Variants in MAPK6 observed in about 807,000 individuals in gnomAD.
The protein encoded by MAPK6 is ERK-3.
Under a neutral mutation model 59.3 loss-of-function variants are expected in MAPK6, and 19 were observed. The observed-to-expected ratio is 0.32, with a 90% CI of 0.22 to 0.47. The LOEUF (loss-of-function observed/expected upper bound fraction) is 0.47. MAPK6 is among the 20% of genes least tolerant of loss of function. The pLI is 1.00. For missense variants in MAPK6, 724 were observed against 847.9 expected, an observed-to-expected ratio of 0.85 and a Z score of 1.81; for synonymous variants, 316 against 290.3, an observed-to-expected ratio of 1.09 and a Z score of -0.90.
At chr15:52,031,700 C>T (rs974740048) in intron 1 of MAPK6, among the ~76,000 whole-genome samples, 1 of 152,082 alleles carries the variant, frequency 6.6e-6, no homozygotes, top group Non-Finnish European at 1.5e-5. Context: ...GGGTGTGGCA[C>T]CTTGCACGGT....
chr15:52,047,216 G>C (rs559435580), intron 2 of MAPK6, among the ~76,000 whole-genome samples: 33 of 152,150 alleles, frequency 2.2e-4, no homozygotes, highest in African/African-American at 7.5e-4. Flanking sequence ...AAAATACATG[G>C]TTATTATAAT....
intron 3 of MAPK6, among the ~76,000 whole-genome samples, chr15:52,056,252 C>T (rs72732974): frequency 0.055 from 8,344 of 152,274 alleles, 327 homozygotes; most frequent in Non-Finnish European, 0.079. Flanking sequence ...TATTTTCCCT[C>T]TTTCCTGCTG....
At position 52,050,051 on chromosome 15, in the gene MAPK6, C is replaced by G. The variant is rs1305114560; in HGVS notation, c.614C>G (p.Ser205Cys). Reference sequence around the variant, plus strand: ...TACAGATCTCCACGTCTTTTACTTTCTCCTAATAATTATACTAAAGCCATT... The same window carrying G: ...TACAGATCTCCACGTCTTTTACTTTGTCCTAATAATTATACTAAAGCCATT... ...KWYRSPRLLL[S>C]PNNYTKAIDM... The change falls in exon 3 of 6, where the codon TCT becomes TGT. Residue 205 changes from serine to cysteine, a missense_variant. By Grantham distance (112) the Ser-to-Cys change is moderately radical (BLOSUM62 -1). This residue lies in a region of MAPK6 where 105 missense variants were observed against 191.9 expected (regional missense o/e 0.55). Transcript: ENST00000261845. 1 of 1,612,598 alleles carries G rather than the reference C, an allele frequency of 6.2e-7. No individual in the cohort carries two copies. The highest frequency in any genetic ancestry group is 1.1e-5 in the South Asian group (1 of 90,924).
At chr15:51,990,029 T>C (rs1184901171) in intron 2 of MAPK6, among the ~76,000 whole-genome samples, 1 of 152,230 alleles carries the variant, frequency 6.6e-6, no homozygotes, top group African/African-American at 2.4e-5. Context: ...AGTCCATTGT[T>C]TTGGCTACTA....
chr15:52,022,117 AGTT>A (rs2141849910), intron 1 of MAPK6, among the ~76,000 whole-genome samples: 2 of 152,270 alleles, frequency 1.3e-5, no homozygotes, highest in South Asian at 4.2e-4. Flanking sequence ...TGAGGCCAGG[AGTT>A]CAAGACCAGT....
chr15:52,044,076 G>A (rs1382403533), intron 1 of MAPK6, among the ~76,000 whole-genome samples: 1 of 151,982 alleles, frequency 6.6e-6, no homozygotes, highest in Non-Finnish European at 1.5e-5. Context: ...GTCCGGCCTT[G>A]AGATATTTTT....
exon 2 of MAPK6, among the ~76,000 whole-genome samples, chr15:51,983,238 G>A (rs1032950318): frequency 2.6e-5 from 4 of 152,076 alleles, no homozygotes; most frequent in East Asian, 1.9e-4. Flanking sequence ...TGTAATCCCA[G>A]CACTTTGGGA....
chr15:52,026,389 T>C (rs150168345), intron 1 of MAPK6, among the ~76,000 whole-genome samples: 1,871 of 152,278 alleles, frequency 0.012, 62 homozygotes, highest in East Asian at 0.077. Flanking sequence ...CCTCCTGGGT[T>C]CAAGTGATTC....
intron 2 of MAPK6, among the ~76,000 whole-genome samples, chr15:51,991,052 C>G (rs2057206599): frequency 6.6e-6 from 1 of 151,890 alleles, no homozygotes; most frequent in Non-Finnish European, 1.5e-5. Flanking sequence ...CACTTGAACC[C>G]AGGAAGAGGA....
Position 52,007,344 on chromosome 15 carries a change from G to A in MAPK6, c.-632+2942G>A, listed in dbSNP as rs1018372956. ...CTATCTTCTGGGGGGTGGGGTTCTA[G>A]CAAGACTGGCTACATAATTTCTGGG... On this transcript the variant is annotated intron_variant, in intron 3 of 7. Coordinates refer to the MAPK6 transcript ENST00000691380. Among the ~76,000 whole-genome samples, 76 of 152,218 alleles carry A rather than the reference G, an allele frequency of 5.0e-4. 1 individual carries two copies. The highest frequency in any genetic ancestry group is 3.4e-3 in the Middle Eastern group (1 of 294).
At chr15:51,990,633 T>C (rs2057205084) in intron 2 of MAPK6, among the ~76,000 whole-genome samples, 1 of 150,828 alleles carries the variant, frequency 6.6e-6, no homozygotes, top group African/African-American at 2.4e-5. Context: ...CTGACCAACA[T>C]GGAGAAACCG....
At chr15:51,976,131 TG>T (rs1282240555) in intron 1 of MAPK6, among the ~76,000 whole-genome samples, 1 of 151,244 alleles carries the variant, frequency 6.6e-6, no homozygotes, top group Non-Finnish European at 1.5e-5. Flanking sequence ...CCGGGCGTGG[TG>T]GCACATGCCT....
Position 52,061,333 on chromosome 15 carries a change from C to G in MAPK6, c.900C>G (p.Ser300Arg). Residue 300 changes from serine (S) to arginine (R), a missense_variant, in exon 5 of 6, where the codon AGC becomes AGG. Ser to Arg is a moderately radical substitution (Grantham distance 110). This residue lies in a region of MAPK6 where 502 missense variants were observed against 507.6 expected (regional missense o/e 0.99). Transcript: ENST00000261845. The part of the protein sequence containing the change: ...LDFLEQILTF[S>R]PMDRLTAEEA... The stretch of plus-strand genomic sequence containing the variant: ...TCCTGGAACAAATTTTGACATTTAG[C>G]CCCATGGATCGGTTAACAGCAGAAG... 6.2e-7 allele frequency: 1 copy of G among 1,614,088 alleles called. No homozygotes were observed. The highest frequency in any genetic ancestry group is 8.5e-7 in the Non-Finnish European group (1 of 1,179,950).
intron 1 of MAPK6, among the ~76,000 whole-genome samples, chr15:51,977,723 G>GACAGGGTCTC (rs1309026040): frequency 6.6e-6 from 1 of 151,662 alleles, no homozygotes; most frequent in Non-Finnish European, 1.5e-5. Context: ...TTTTTGTAGA[G>GACAGGGTCTC]ACAGGGTCTC....
intron 2 of MAPK6, among the ~76,000 whole-genome samples, chr15:51,984,447 A>ATTTTTC (rs2057184033): frequency 2.9e-5 from 2 of 69,984 alleles, no homozygotes; most frequent in South Asian, 1.5e-3. Context: ...ACGCCGGCTA[A>ATTTTTC]TTTTTTTTTT....
At chr15:52,005,969 C>CCAAG (rs995260524) in intron 3 of MAPK6, among the ~76,000 whole-genome samples, 21 of 152,056 alleles carry the variant, frequency 1.4e-4, no homozygotes, top group South Asian at 1.2e-3. Context: ...GTAGTAACTA[C>CCAAG]CAAGCAGATG....
At chr15:52,010,514 CTTTTT>C (rs762352581) in intron 3 of MAPK6, among the ~76,000 whole-genome samples, 1 of 91,862 alleles carries the variant, frequency 1.1e-5, no homozygotes, top group Non-Finnish European at 2.1e-5. Context: ...TGCACCCAGC[CTTTTT>C]TTTTTTTTTT....
chr15:51,976,853 A>AGAATCT (rs1445027990), intron 1 of MAPK6, among the ~76,000 whole-genome samples: 1 of 151,698 alleles, frequency 6.6e-6, no homozygotes, highest in Non-Finnish European at 1.5e-5. Flanking sequence ...CTGAAGCAGG[A>AGAATCT]GAATCGCTTC....
At chr15:52,058,826 TTAA>T (rs779954710) in intron 4 of MAPK6, 29 bp downstream of exon 4, 1 of 1,571,838 alleles carries the variant, frequency 6.4e-7, no homozygotes, top group East Asian at 2.3e-5. Flanking sequence ...AACCCTCACG[TTAA>T]TGCCTGTGTG....
Sources: allele counts gnomAD v4.1 joint callset (sites outside exome capture counted in the v4.1 genomes callset), GRCh38; gene constraint gnomAD v4.1.1; regional missense constraint gnomAD v4.1.1; transcripts MANE v1.5; gene names NCBI Gene and HGNC (gene_info 2026-07-23, HGNC 2026-07-21).